Variants in PLEKHG7 observed in about 807,000 individuals in gnomAD.
PLEKHG7 encodes pleckstrin homology domain-containing family G member 7.
Under a neutral mutation model 85.2 loss-of-function variants are expected in PLEKHG7, and 77 were observed. The ratio of observed to expected loss-of-function variants is 0.90; its 90% CI spans 0.75 to 1.09. The LOEUF (loss-of-function observed/expected upper bound fraction) is 1.09. Among genes scored for constraint, PLEKHG7 ranks in the 50% least tolerant of loss-of-function variants. PLEKHG7 has a pLI of 0.00. For synonymous variants in PLEKHG7, 301 were observed against 302.4 expected, an observed-to-expected ratio of 1.00 and a Z score of 0.05; for missense variants, 777 against 804.3, an observed-to-expected ratio of 0.97 and a Z score of 0.41.
intron 10 of PLEKHG7, among the ~76,000 whole-genome samples, chr12:92,749,978 T>TTTATTTTATATTTTATTTTA (rs1872645969): frequency 7.2e-6 from 1 of 139,616 alleles, no homozygotes; most frequent in Non-Finnish European, 1.5e-5. Flanking sequence ...TATATTTTAT[T>TTTATTTTATATTTTATTTTA]TTATTTTATT....
At chr12:92,747,977 C>G (rs1872582774) in intron 10 of PLEKHG7, among the ~76,000 whole-genome samples, 1 of 152,084 alleles carries the variant, frequency 6.6e-6, no homozygotes, top group Non-Finnish European at 1.5e-5. Context: ...GCATGATAAC[C>G]CACTAGGGTG....
chr12:92,731,271 C>A (rs1251289576), intron 4 of PLEKHG7, among the ~76,000 whole-genome samples: 1 of 152,174 alleles, frequency 6.6e-6, no homozygotes, highest in African/African-American at 2.4e-5. Flanking sequence ...TCCACCTAAT[C>A]TCTCTTTAAT....
At chr12:92,741,911 C>T (rs932401245) in intron 9 of PLEKHG7, among the ~76,000 whole-genome samples, 11 of 152,144 alleles carry the variant, frequency 7.2e-5, no homozygotes, top group Non-Finnish European at 1.3e-4. Flanking sequence ...TTGCTAATTA[C>T]GTAATTCAGT....
intron 3 of PLEKHG7, among the ~76,000 whole-genome samples, chr12:92,713,484 G>C (rs1170774012): frequency 6.6e-6 from 1 of 152,182 alleles, no homozygotes; most frequent in Non-Finnish European, 1.5e-5. Flanking sequence ...TTTGATGGTT[G>C]AGTGCTGCCA....
In PLEKHG7 at chr12:92,761,663, AAAGAAAGAAAG is replaced by A. The variant is rs1359427979; in HGVS notation, c.1637-86_1637-76del. The A allele has an allele frequency of 2.3e-6, 3 of 1,308,942 alleles. No homozygotes were observed. In the East Asian group the frequency reaches 9.5e-5, roughly 41 times the overall value. 81.1% of individuals were successfully genotyped at this position (1,308,942 alleles called of 1,614,324 possible). A position where few individuals can be genotyped will look rare whatever the true frequency, so the allele number is the denominator to read the frequency against. Reference sequence around the variant, plus strand: ...GAAAGAAAGAAAGAAAGAAAGAAAGAAAGAAAGAAAGAAAGAAAGAAAGGGAAAGAAAAACT... The same window carrying A: ...GAAAGAAAGAAAGAAAGAAAGAAAGAAAAGAAAGAAAGGGAAAGAAAAACT... On this transcript the variant is annotated intron_variant, in intron 13 of 16. Transcript: ENST00000344636.
In PLEKHG7 at chr12:92,756,301, T is replaced by A. The variant is rs1020351284; in HGVS notation, c.1546T>A (p.Leu516Met). ...RDKRFFIPECLKHIFKEHMAE... is the reference protein window; with the variant it reads ...RDKRFFIPECMKHIFKEHMAE... ...ATTTTCTCGCTTGTTTTACAAGTGT[T>A]TGAAACACATTTTTAAAGAACACAT... The change falls in exon 13 of 17, where the codon TTG becomes ATG. Residue 516 changes from leucine (L) to methionine (M), a missense_variant. Leu to Met is a conservative substitution (Grantham distance 15). Around this residue, in one of 3 missense-constraint regions of PLEKHG7, gnomAD observed 520 missense variants for 544.0 expected, o/e 0.96. Transcript: ENST00000344636. 1.2e-6 allele frequency: 2 copies of A among 1,605,260 alleles called. No homozygotes were observed. Among genetic ancestry groups the A allele is most frequent in the Non-Finnish European group, 1.7e-6 (2 of 1,172,304 alleles).
rs553736800 is a variant in PLEKHG7 at position 92,724,589 on chromosome 12, A to G, written c.531-4404A>G. Among the ~76,000 whole-genome samples, 121 of 152,320 alleles carry G rather than the reference A, an allele frequency of 7.9e-4. 1 individual carries two copies. The highest frequency in any genetic ancestry group is 2.8e-3 in the African/African-American group (116 of 41,568). ...GAAAGAGAGGGTTTTGGGTAACATA[A>G]CAAGATCCCAGGCACCTGTTTTTCT... On this transcript the variant is annotated intron_variant, in intron 3 of 16. Coordinates refer to ENST00000344636, the MANE Select transcript of PLEKHG7 (RefSeq NM_001377329.1).
chr12:92,755,270 A>C (rs1201344237), intron 11 of PLEKHG7, among the ~76,000 whole-genome samples: 1 of 152,330 alleles, frequency 6.6e-6, no homozygotes, highest in South Asian at 2.1e-4. Flanking sequence ...TCCACTAACA[A>C]TGTGATTCTT....
intron 9 of PLEKHG7, among the ~76,000 whole-genome samples, chr12:92,743,992 C>T (rs937554286): frequency 2.0e-5 from 3 of 152,152 alleles, no homozygotes; most frequent in Non-Finnish European, 2.9e-5. Context: ...ATCAATATTC[C>T]CCTCCAAAAT....
chr12:92,707,747 G>A, intron 3 of PLEKHG7, 75 bp downstream of exon 3: 1 of 1,606,064 alleles, frequency 6.2e-7, no homozygotes, highest in Non-Finnish European at 8.5e-7. Context: ...TTTCTGTCCT[G>A]ACATAACAAA....
chr12:92,726,252 C>T (rs957265361), intron 3 of PLEKHG7, among the ~76,000 whole-genome samples: 3 of 152,100 alleles, frequency 2.0e-5, no homozygotes, highest in Non-Finnish European at 2.9e-5. Context: ...AGAGGAAGGA[C>T]TGGGATAGGG....
At chr12:92,763,638 G>T (rs992024854) in intron 14 of PLEKHG7, among the ~76,000 whole-genome samples, 1 of 151,988 alleles carries the variant, frequency 6.6e-6, no homozygotes, top group African/African-American at 2.4e-5. Flanking sequence ...AACATAGTGA[G>T]ATCCCATCTC....
At chr12:92,756,127 T>C (rs189983429) in intron 12 of PLEKHG7, among the ~76,000 whole-genome samples, 171 bp from the exon 13 acceptor site, 1 of 152,310 alleles carries the variant, frequency 6.6e-6, no homozygotes, top group Non-Finnish European at 1.5e-5. Context: ...GTGCCATTCT[T>C]ATGATGGTCC....
intron 3 of PLEKHG7, among the ~76,000 whole-genome samples, chr12:92,726,856 A>G (rs1871831007): frequency 6.6e-6 from 1 of 152,180 alleles, no homozygotes; most frequent in Admixed American, 6.6e-5. Flanking sequence ...TTTCTCTGGG[A>G]AAAATAAAAG....
intron 13 of PLEKHG7, 117 bp from the exon 14 acceptor site, chr12:92,761,635 A>AAAGAAAGG (rs750831243): frequency 0.1 from 29,218 of 292,362 alleles, 1,814 homozygotes; most frequent in Admixed American, 0.12. Flanking sequence ...AGAAAGAAAG[A>AAAGAAAGG]AAGAAAGAAA....
chr12:92,737,267 A>G (rs565452368), intron 6 of PLEKHG7, 111 bp from the exon 7 acceptor site: 153 of 988,078 alleles, frequency 1.5e-4, no homozygotes, highest in Non-Finnish European at 1.8e-4. Flanking sequence ...GCAGGAAATC[A>G]TGATTTCGGG....
chr12:92,705,253 T>A (rs1182555012), intron 1 of PLEKHG7, among the ~76,000 whole-genome samples: 2 of 152,210 alleles, frequency 1.3e-5, no homozygotes, highest in African/African-American at 4.8e-5. Flanking sequence ...GTAAACATAG[T>A]AGTAATCACT....
intron 3 of PLEKHG7, chr12:92,721,345 G>A (rs766959965): frequency 1.3e-6 from 1 of 749,062 alleles, no homozygotes; most frequent in South Asian, 7.0e-5. Flanking sequence ...GTGGGGTTGG[G>A]GGGGAATTCC....
At chr12:92,724,798 G>T (rs777774679) in intron 3 of PLEKHG7, among the ~76,000 whole-genome samples, 4 of 152,106 alleles carry the variant, frequency 2.6e-5, no homozygotes, top group Non-Finnish European at 4.4e-5. Flanking sequence ...CCAGGTTTGG[G>T]TCACATGGCC....
Sources: gnomAD v4.1 joint callset for allele counts (sites outside exome capture counted in the v4.1 genomes callset) on GRCh38, gnomAD v4.1.1 for gene constraint, gnomAD v4.1.1 regional missense constraint, MANE v1.5 for transcripts, NCBI Gene and HGNC (gene_info 2026-07-23, HGNC 2026-07-21) for gene names.